Variants in USP37 observed in about 807,000 individuals in gnomAD.
USP37 encodes ubiquitin specific peptidase 37, also known as ubiquitin carboxyl-terminal hydrolase 37.
In USP37, 27 loss-of-function variants were observed where a neutral mutation model predicts 124.0. The observed-to-expected ratio is 0.22, with a 90% confidence interval of 0.16 to 0.30. The LOEUF (loss-of-function observed/expected upper bound fraction) is 0.30, where lower values mean the gene tolerates loss of function less well. Among genes scored for constraint, USP37 ranks in the 10% least tolerant of loss-of-function variants. The probability of loss-of-function intolerance (pLI) is 1.00; values close to 1 mark genes in which losing one functional copy is unlikely to be tolerated. For synonymous variants in USP37, 365 were observed against 388.0 expected (o/e 0.94, Z 0.70); for missense variants, 889 against 1,140.4 (o/e 0.78, Z 3.17).
At chr2:218,488,670 T>C (rs1278524304) in intron 14 of USP37, among the ~76,000 whole-genome samples, 2 of 152,154 alleles carry the variant, frequency 1.3e-5, no homozygotes, top group East Asian at 3.9e-4. Context: ...AGTTTCGCTC[T>C]TGTCACCCAG....
In USP37 at chr2:218,553,602, C is replaced by T. The variant is rs1161052030; in HGVS notation, c.279G>A (p.Glu93=). ...CTGCATCTAGAAACAACCTCATTTC[C>T]TCTGCATCCTTACTTGGTACTTTGT... is the stretch of plus-strand genomic sequence containing the variant. The part of the protein sequence containing the change: ...SIDKVPSKDA[E]EMRLFLDAVH... Residue 93 remains glutamate (E), a synonymous_variant, in exon 5 of 26, where the codon GAG becomes GAA. Coordinates refer to ENST00000258399, the MANE Select transcript of USP37 (RefSeq NM_020935.3). The T allele has an allele frequency of 3.1e-6, 5 of 1,613,808 alleles. No homozygotes were observed. The highest frequency in any genetic ancestry group is 2.2e-5 in the East Asian group (1 of 44,858).
At chr2:218,557,930 CAAAAA>C (rs61488353) in intron 4 of USP37, among the ~76,000 whole-genome samples, 3 of 35,668 alleles carry the variant, frequency 8.4e-5, no homozygotes, top group Non-Finnish European at 1.1e-4. Flanking sequence ...GACTCTGTCT[CAAAAA>C]AAAAAAAAAA....
At chr2:218,519,125 C>T (rs1338641216) in intron 10 of USP37, among the ~76,000 whole-genome samples, 1 of 152,180 alleles carries the variant, frequency 6.6e-6, no homozygotes, top group Admixed American at 6.5e-5. Context: ...ACAACTGCCT[C>T]CTGGCAGCAA....
At chr2:218,549,964 A>G (rs1692575142) in intron 5 of USP37, 55 bp from the exon 6 acceptor site, 1 of 1,305,020 alleles carries the variant, frequency 7.7e-7, no homozygotes, top group Non-Finnish European at 1.1e-6. Context: ...CACTTTAACA[A>G]AAAGATTTAT....
chr2:218,518,878 G>A (rs939128367), intron 10 of USP37, among the ~76,000 whole-genome samples: 4 of 152,064 alleles, frequency 2.6e-5, no homozygotes, highest in Admixed American at 6.6e-5. Flanking sequence ...AGTAAATAGT[G>A]CCACACTATG....
intron 20 of USP37, among the ~76,000 whole-genome samples, chr2:218,469,613 A>G (rs1427392543): frequency 6.6e-6 from 1 of 152,176 alleles, no homozygotes; most frequent in Non-Finnish European, 1.5e-5. Flanking sequence ...ACTAGTAACT[A>G]ATCCATGTGT....
At position 218,475,461 on chromosome 2, in the gene USP37, G is replaced by T. The variant is rs1280264560; in HGVS notation, c.2044-576C>A. ...TAAAAATACAAAAATTAGGCTGGGC[G>T]TGGTGGCTCATGCCTGTAATCCCAG... On this transcript the variant is annotated intron_variant, in intron 19 of 25. Transcript: ENST00000258399. Among the ~76,000 whole-genome samples the T allele has an allele frequency of 2.0e-5, 3 of 152,094 alleles. No individual in the cohort carries two copies. In the East Asian group the frequency reaches 5.8e-4, roughly 29 times the overall value.
intron 10 of USP37, among the ~76,000 whole-genome samples, chr2:218,516,085 G>A (rs1690260258): frequency 6.6e-6 from 1 of 152,218 alleles, no homozygotes; most frequent in Non-Finnish European, 1.5e-5. Flanking sequence ...TTACACTGTT[G>A]GTGGGAGTGT....
At chr2:218,535,353 G>A (rs1263801440) in intron 8 of USP37, among the ~76,000 whole-genome samples, 1 of 148,754 alleles carries the variant, frequency 6.7e-6, no homozygotes, top group Non-Finnish European at 1.5e-5. Flanking sequence ...GCAACAGAGT[G>A]AGTCTTAGTC....
chr2:218,517,514 CTA>C (rs1177868051), intron 10 of USP37, among the ~76,000 whole-genome samples: 5 of 152,128 alleles, frequency 3.3e-5, no homozygotes, highest in African/African-American at 1.2e-4. Flanking sequence ...AAATAAAATT[CTA>C]TGTTGGCAGT....
At chr2:218,466,385 G>C (rs1384805933) in intron 20 of USP37, among the ~76,000 whole-genome samples, 3 of 152,126 alleles carry the variant, frequency 2.0e-5, no homozygotes, top group Non-Finnish European at 4.4e-5. Flanking sequence ...TTGTTGGGGT[G>C]AGGGGAGAAG....
At position 218,455,682 on chromosome 2, in the gene USP37, T is replaced by C; in HGVS notation, c.2750A>G (p.Gln917Arg). 1 of 1,614,208 alleles carries C rather than the reference T, an allele frequency of 6.2e-7. No individual in the cohort carries two copies. The highest frequency in any genetic ancestry group is 8.5e-7 in the Non-Finnish European group (1 of 1,180,034). ...YISDVYDIKK[Q>R]AWFTYNDLEV... The stretch of plus-strand genomic sequence containing the variant: ...CAGGTCATTGTAAGTAAACCACGCT[T>C]GCTTCTTAATGTCATATACATCACT... Residue 917 changes from glutamine (Q) to arginine (R), a missense_variant, in exon 25 of 26, where the codon CAA becomes CGA. Physicochemically the swap from Gln to Arg is conservative, Grantham distance 43 (BLOSUM62 1). Transcript: ENST00000258399.
intron 20 of USP37, among the ~76,000 whole-genome samples, chr2:218,469,495 A>T (rs1229831536): frequency 1.3e-5 from 2 of 152,192 alleles, no homozygotes; most frequent in African/African-American, 4.8e-5. Context: ...AATGAGTATT[A>T]TTATTTTTAT....
chr2:218,564,789 T>C (rs556189283), intron 1 of USP37, among the ~76,000 whole-genome samples: 7 of 152,300 alleles, frequency 4.6e-5, no homozygotes, highest in South Asian at 2.1e-4. Flanking sequence ...CCAAACTAAA[T>C]AGCTCATCAC....
intron 6 of USP37, among the ~76,000 whole-genome samples, chr2:218,549,252 C>G (rs1240766859): frequency 6.6e-6 from 1 of 151,826 alleles, no homozygotes; most frequent in African/African-American, 2.4e-5. Context: ...AAAAATCTAA[C>G]CTATAAAAAG....
intron 23 of USP37, among the ~76,000 whole-genome samples, chr2:218,457,572 G>A (rs1209700728): frequency 3.3e-5 from 5 of 152,116 alleles, no homozygotes; most frequent in Non-Finnish European, 7.3e-5. Flanking sequence ...TTAAAAAAAT[G>A]TTACGTTAAG....
intron 23 of USP37, among the ~76,000 whole-genome samples, chr2:218,459,482 G>A (rs1689886883): frequency 6.6e-6 from 1 of 152,244 alleles, no homozygotes; most frequent in African/African-American, 2.4e-5. Context: ...TGGGATTACA[G>A]GCGTGAGCCA....
intron 10 of USP37, among the ~76,000 whole-genome samples, chr2:218,520,047 C>G (rs1397173470): frequency 1.3e-5 from 2 of 152,052 alleles, no homozygotes; most frequent in Non-Finnish European, 2.9e-5. Context: ...AAGCAATTCT[C>G]CTACCTCAGC....
At chr2:218,522,599 T>A (rs1407933005) in intron 10 of USP37, among the ~76,000 whole-genome samples, 3 of 150,758 alleles carry the variant, frequency 2.0e-5, no homozygotes, top group African/African-American at 7.3e-5. Flanking sequence ...CTTTTTTTTT[T>A]GTATGGGCGG....
Sources: allele counts gnomAD v4.1 joint callset (sites outside exome capture counted in the v4.1 genomes callset), GRCh38; gene constraint gnomAD v4.1.1; transcripts MANE v1.5; gene names NCBI Gene and HGNC (gene_info 2026-07-23, HGNC 2026-07-21).